PUM1: variants seen among roughly 807,000 people sequenced by gnomAD.
PUM1 encodes pumilio homolog 1.
Under a neutral mutation model 131.8 loss-of-function variants are expected in PUM1, and 13 were observed. The observed-to-expected ratio is 0.10, with a 90% CI of 0.06 to 0.16. The LOEUF (loss-of-function observed/expected upper bound fraction) is 0.16. Ranked by LOEUF, PUM1 falls within the 10% of genes least tolerant of loss-of-function variation. The pLI is 1.00. For synonymous variants in PUM1, 509 were observed against 556.5 expected (o/e 0.91, Z 1.20); for missense variants, 961 against 1,512.4 (o/e 0.64, Z 6.05).
At chr1:30,962,492 A>G (rs1044016310) in intron 14 of PUM1, among the ~76,000 whole-genome samples, 3 of 152,170 alleles carry the variant, frequency 2.0e-5, no homozygotes, top group African/African-American at 4.8e-5. Flanking sequence ...AGCTCACTGC[A>G]GCCTGTCTCC....
chr1:31,049,697 T>TTTAAAAAACCTTCTAAAATTAAAC (rs1644060954), intron 2 of PUM1, among the ~76,000 whole-genome samples: 1 of 151,806 alleles, frequency 6.6e-6, no homozygotes, highest in East Asian at 1.9e-4. Context: ...TAAAATTAAA[T>TTTAAAAAACCTTCTAAAATTAAAC]TTAAAAAACC....
At chr1:30,998,027 T>C (rs1176564518) in intron 5 of PUM1, among the ~76,000 whole-genome samples, 1 of 152,266 alleles carries the variant, frequency 6.6e-6, no homozygotes, top group Non-Finnish European at 1.5e-5. Context: ...TTTTCTACTC[T>C]GAATAAGCTA....
In PUM1 at chr1:30,992,670, GA is replaced by G. The variant is rs778317198; in HGVS notation, c.888-11del. On this transcript the variant is annotated splice_polypyrimidine_tract_variant and intron_variant, in intron 6 of 21. Coordinates refer to ENST00000426105, the MANE Select transcript of PUM1 (RefSeq NM_001020658.2). Reference sequence around the variant, plus strand: ...ATTACCAGGGGTACGGCTAAACAGAGAAAGTAAAGGGCATTAAACCTTATTT... The same window carrying G: ...ATTACCAGGGGTACGGCTAAACAGAGAAGTAAAGGGCATTAAACCTTATTT... The G allele has an allele frequency of 3.3e-5, 53 of 1,608,010 alleles. No homozygotes were observed. Among genetic ancestry groups the G allele is most frequent in the Non-Finnish European group, 4.3e-5 (51 of 1,176,392 alleles).
intron 6 of PUM1, among the ~76,000 whole-genome samples, chr1:30,994,055 GTGAGACCC>G: frequency 6.6e-6 from 1 of 152,228 alleles, no homozygotes; most frequent in East Asian, 1.9e-4. Context: ...GAGTAACAGA[GTGAGACCC>G]TGTCTCCAAA....
At chr1:31,060,713 C>T (rs1644348530) in intron 1 of PUM1, among the ~76,000 whole-genome samples, 1 of 151,846 alleles carries the variant, frequency 6.6e-6, no homozygotes, top group Non-Finnish European at 1.5e-5. Flanking sequence ...TTATGAAACC[C>T]CATCTCTACT....
At chr1:31,040,508 G>T (rs1176886804) in intron 2 of PUM1, among the ~76,000 whole-genome samples, 2 of 152,198 alleles carry the variant, frequency 1.3e-5, no homozygotes, top group South Asian at 2.1e-4. Context: ...CTAGTATGCT[G>T]AGAAACTGCA....
intron 3 of PUM1, among the ~76,000 whole-genome samples, chr1:31,011,490 A>G (rs1369554257): frequency 6.6e-6 from 1 of 152,250 alleles, no homozygotes; most frequent in Non-Finnish European, 1.5e-5. Context: ...TTCAACAGTC[A>G]GCTAAAAGAT....
At chr1:31,057,491 G>A (rs1294655197) in intron 2 of PUM1, among the ~76,000 whole-genome samples, 1 of 150,804 alleles carries the variant, frequency 6.6e-6, no homozygotes, top group Non-Finnish European at 1.5e-5. Flanking sequence ...TTGGGAGGCT[G>A]AGGCAGGTGG....
At position 31,006,633 on chromosome 1, in the gene PUM1, C is replaced by T. The variant is rs78286691; in HGVS notation, c.541+361G>A. 1.3e-3 allele frequency among the ~76,000 whole-genome samples: 204 copies of T among 152,220 alleles called. 1 individual carries two copies. Among genetic ancestry groups the T allele is most frequent in the African/African-American group, 4.8e-3 (201 of 41,544 alleles). The stretch of plus-strand genomic sequence containing the variant: ...GTTTAAAGATAGATCATTCCATACA[C>T]GGTACACAAGGGCAAGGGGAGAAAA... On this transcript the variant is annotated intron_variant, in intron 4 of 21. Coordinates refer to ENST00000426105, the MANE Select transcript of PUM1 (RefSeq NM_001020658.2).
chr1:31,039,676 T>TA (rs1343144545), intron 2 of PUM1, among the ~76,000 whole-genome samples: 4 of 152,010 alleles, frequency 2.6e-5, no homozygotes, highest in African/African-American at 9.7e-5. Flanking sequence ...TGAGGCAGGC[T>TA]AATCACCTGA....
intron 14 of PUM1, among the ~76,000 whole-genome samples, chr1:30,959,817 GA>G (rs1220252394): frequency 6.6e-6 from 1 of 151,350 alleles, no homozygotes; most frequent in African/African-American, 2.4e-5. Context: ...TGAGGCAGGA[GA>G]ATGGTGTGAA....
At chr1:30,969,041 C>T (rs12064347) in intron 10 of PUM1, among the ~76,000 whole-genome samples, 6,664 of 151,956 alleles carry the variant, frequency 0.044, 451 homozygotes, top group African/African-American at 0.15. Context: ...TGGTGGCTCA[C>T]GCCTGTAATC....
At position 30,999,977 on chromosome 1, in the gene PUM1, G is replaced by GC. The variant is rs778805679; in HGVS notation, c.721-4758dup. Among the ~76,000 whole-genome samples, 4 of 152,198 alleles carry GC rather than the reference G, an allele frequency of 2.6e-5. No homozygotes were observed. In the South Asian group the frequency reaches 8.3e-4, roughly 31 times the overall value. ...CCAGGGGCATTGTCATTTGCACAAA[G>GC]CAGTGGTTCTATGATTAGGGTTAGG... On this transcript the variant is annotated intron_variant, in intron 5 of 21. Coordinates refer to ENST00000426105, the MANE Select transcript of PUM1 (RefSeq NM_001020658.2).
At chr1:31,030,863 A>G (rs1287926282) in intron 2 of PUM1, among the ~76,000 whole-genome samples, 1 of 152,268 alleles carries the variant, frequency 6.6e-6, no homozygotes, top group Non-Finnish European at 1.5e-5. Flanking sequence ...ATACTATGCT[A>G]CAAATGAGAC....
chr1:31,005,154 T>G (rs1019860640), intron 5 of PUM1, among the ~76,000 whole-genome samples: 1 of 152,252 alleles, frequency 6.6e-6, no homozygotes, highest in East Asian at 1.9e-4. Context: ...AAGAAAGAAA[T>G]TGTTTTGAGA....
chr1:30,987,258 G>A (rs917992067), intron 7 of PUM1, among the ~76,000 whole-genome samples: 10 of 149,906 alleles, frequency 6.7e-5, no homozygotes, highest in Non-Finnish European at 1.5e-4. Context: ...GTGCAGTGGC[G>A]TGATCTCAGC....
intron 1 of PUM1, among the ~76,000 whole-genome samples, chr1:31,062,889 A>G (rs757241068): frequency 9.2e-5 from 14 of 152,182 alleles, no homozygotes; most frequent in Non-Finnish European, 1.9e-4. Context: ...AAGAAGACAC[A>G]ATGGAATTTG....
chr1:30,955,300 CA>C (rs529336616), intron 14 of PUM1, among the ~76,000 whole-genome samples: 6,629 of 113,512 alleles, frequency 0.058, 200 homozygotes, highest in African/African-American at 0.12. Context: ...CTAAAAAATA[CA>C]AAAAAAAAAA....
chr1:31,057,431 A>G (rs1055443492), intron 2 of PUM1, among the ~76,000 whole-genome samples: 4 of 130,936 alleles, frequency 3.1e-5, no homozygotes, highest in Non-Finnish European at 4.5e-5. Context: ...AAGAAAAAGA[A>G]AAAAAAAAAA....
Sources: gnomAD v4.1 joint callset for allele counts (sites outside exome capture counted in the v4.1 genomes callset) on GRCh38, gnomAD v4.1.1 for gene constraint, MANE v1.5 for transcripts, NCBI Gene and HGNC (gene_info 2026-07-23, HGNC 2026-07-21) for gene names.